The following FHIP2A variants were observed in gnomAD, a reference collection of about 807,000 sequenced individuals.
The protein encoded by FHIP2A is FHF complex subunit HOOK interacting protein 2A.
A neutral mutation model predicts 93.5 loss-of-function variants in FHIP2A; 46 were observed. That is an observed-to-expected ratio of 0.49 (90% CI 0.39 to 0.63). The LOEUF (loss-of-function observed/expected upper bound fraction) is 0.63, where lower values mean the gene tolerates loss of function less well. FHIP2A is among the 20% of genes least tolerant of loss of function. The pLI, the probability that FHIP2A is intolerant of heterozygous loss-of-function variation, is 0.00. For missense variants in FHIP2A, 769 were observed against 909.7 expected (o/e 0.85, Z 1.99); for synonymous variants, 332 against 326.5 (o/e 1.02, Z -0.18).
intron 16 of FHIP2A, among the ~76,000 whole-genome samples, chr10:114,872,072 C>T (rs1388463302): frequency 6.6e-6 from 1 of 152,174 alleles, no homozygotes. Flanking sequence ...CTCAAATAAT[C>T]CTCAGATTTC....
intron 16 of FHIP2A, among the ~76,000 whole-genome samples, chr10:114,891,535 A>ATGTGTG (rs1342933567): frequency 3.7e-4 from 47 of 126,490 alleles, no homozygotes; most frequent in African/African-American, 1.4e-3. Flanking sequence ...ATATATATAT[A>ATGTGTG]TATGTGTGTG....
chr10:114,871,318 A>C (rs1274669270), intron 16 of FHIP2A, among the ~76,000 whole-genome samples: 9 of 151,918 alleles, frequency 5.9e-5, no homozygotes, highest in Admixed American at 5.9e-4. Context: ...GAGCCTGGCT[A>C]GGCTCTGTAT....
rs1258561548 is a variant in FHIP2A, at chr10:114,833,410, C to T, written c.294+8C>T. 3 of 1,612,670 alleles carry T rather than the reference C, an allele frequency of 1.9e-6. No individual in the cohort carries two copies. Among genetic ancestry groups the T allele is most frequent in the Admixed American group, 1.7e-5 (1 of 59,946 alleles). On this transcript the variant is annotated splice_region_variant and intron_variant, in intron 3 of 16. Transcript: ENST00000369248. Reference sequence around the variant, plus strand: ...ACCTTGGGGAAAGCTGATGTAAGTTCCTGATCCACACCATGTTCTTGGGCA... The same window carrying T: ...ACCTTGGGGAAAGCTGATGTAAGTTTCTGATCCACACCATGTTCTTGGGCA...
intron 13 of FHIP2A, among the ~76,000 whole-genome samples, chr10:114,853,712 A>G (rs2083749618): frequency 6.6e-6 from 1 of 152,204 alleles, no homozygotes; most frequent in South Asian, 2.1e-4. Flanking sequence ...AAAAATTGAG[A>G]TTTGGGCCAG....
At chr10:114,893,574 C>T (rs1480393568) in intron 16 of FHIP2A, among the ~76,000 whole-genome samples, 2 of 152,172 alleles carry the variant, frequency 1.3e-5, no homozygotes, top group Non-Finnish European at 2.9e-5. Flanking sequence ...CTCTATGCTT[C>T]CCCAAAATCC....
At chr10:114,835,409 C>CAGTT (rs1566367020) in intron 3 of FHIP2A, 128 bp from the exon 4 acceptor site, 47 of 550,088 alleles carry the variant, frequency 8.5e-5, no homozygotes. Context: ...ATTAACTGGC[C>CAGTT]AGTTGCATTG....
chr10:114,880,680 A>AACACACACACAC (rs71473073), intron 16 of FHIP2A, among the ~76,000 whole-genome samples: 21,953 of 143,902 alleles, frequency 0.15, 1,794 homozygotes, highest in Middle Eastern at 0.24. Context: ...ACTCCATGTC[A>AACACACACACAC]ACACACACAC....
At chr10:114,827,630 T>C (rs1208884274) in intron 1 of FHIP2A, among the ~76,000 whole-genome samples, 1 of 152,058 alleles carries the variant, frequency 6.6e-6, no homozygotes, top group Non-Finnish European at 1.5e-5. Flanking sequence ...ACCCTGTCTC[T>C]ACTAAAAATA....
intron 14 of FHIP2A, among the ~76,000 whole-genome samples, chr10:114,859,635 G>A (rs1376454276): frequency 6.6e-6 from 1 of 152,186 alleles, no homozygotes; most frequent in Admixed American, 6.5e-5. Flanking sequence ...TCTATTGAAA[G>A]TTCTGAGCAA....
chr10:114,882,140 A>C (rs1835698074), intron 16 of FHIP2A, among the ~76,000 whole-genome samples: 2 of 152,218 alleles, frequency 1.3e-5, no homozygotes, highest in South Asian at 2.1e-4. Context: ...AGAGAAGTTC[A>C]TGGGCTTTTT....
chr10:114,821,984 TG>T lies in FHIP2A; in HGVS notation c.-93del. On this transcript the variant is annotated 5_prime_UTR_variant, in exon 1 of 17. Transcript: ENST00000369248. ...CCCCGCCCCGCACCGGCCTTCACTC[TG>T]GAGCGGCCCCGGCAGCCGCAGCAGG... The T allele has an allele frequency of 1.3e-6, 1 of 783,964 alleles. No individual in the cohort carries two copies. The highest frequency in any genetic ancestry group is 1.7e-6 in the Non-Finnish European group (1 of 576,644). 48.6% of individuals were successfully genotyped at this position (783,964 alleles called of 1,614,324 possible). A position where few individuals can be genotyped will look rare whatever the true frequency, so the allele number is the denominator to read the frequency against.
At chr10:114,822,525 A>G (rs2083538677) in intron 1 of FHIP2A, among the ~76,000 whole-genome samples, 1 of 152,184 alleles carries the variant, frequency 6.6e-6, no homozygotes, top group Non-Finnish European at 1.5e-5. Context: ...TTCTCCGGAA[A>G]AAAAGTGGTC....
chr10:114,825,009 T>A (rs2143009317), intron 1 of FHIP2A, among the ~76,000 whole-genome samples: 1 of 152,346 alleles, frequency 6.6e-6, no homozygotes, highest in Non-Finnish European at 1.5e-5. Flanking sequence ...AATGGGTTTT[T>A]AATTTTTAAT....
rs574461408 is a variant in FHIP2A, at chr10:114,862,967, C to T, written c.*1427C>T. The T allele has an allele frequency of 1.0e-4, 103 of 985,382 alleles. No individual in the cohort carries two copies. The African/African-American group carries it at 1.6e-3, about 16-fold the overall frequency. 61.0% of individuals were successfully genotyped at this position (985,382 alleles called of 1,614,324 possible). A position where few individuals can be genotyped will look rare whatever the true frequency, so the allele number is the denominator to read the frequency against. ...GCATAGAGGCTTGTTTTACACCTAT[C>T]TGCTCATTTTGTTGTGTTAGCTTTT... On this transcript the variant is annotated 3_prime_UTR_variant, in exon 17 of 17. Coordinates refer to ENST00000369248, the MANE Select transcript of FHIP2A (RefSeq NM_020940.4).
intron 14 of FHIP2A, 120 bp downstream of exon 14, chr10:114,855,460 A>T: frequency 1.1e-6 from 1 of 871,154 alleles, no homozygotes; most frequent in Non-Finnish European, 1.7e-6. Context: ...TTTCCACTGG[A>T]TGACTTTTTC....
chr10:114,867,755 C>A (rs896301470), downstream of FHIP2A, among the ~76,000 whole-genome samples: 2 of 152,090 alleles, frequency 1.3e-5, no homozygotes, highest in South Asian at 2.1e-4. Context: ...AACTCCCCCC[C>A]ATTCCTGAAA....
Position 114,835,863 on chromosome 10 carries a change from C to T in FHIP2A, c.399+222C>T, listed in dbSNP as rs1319413322. Among the ~76,000 whole-genome samples the T allele has an allele frequency of 1.3e-5, 2 of 151,966 alleles. 1 individual carries two copies. Among genetic ancestry groups the T allele is most frequent in the African/African-American group, 4.8e-5 (2 of 41,346 alleles). ...CTTTAAAATTTTATACATGAATTTT[C>T]CTTGGATTTTACTTCCATGACATCT... On this transcript the variant is annotated intron_variant, in intron 4 of 16. Transcript: ENST00000369248.
At chr10:114,823,704 A>T (rs1364083480) in intron 1 of FHIP2A, among the ~76,000 whole-genome samples, 1 of 150,178 alleles carries the variant, frequency 6.7e-6, no homozygotes, top group Non-Finnish European at 1.5e-5. Flanking sequence ...TCACCATGTT[A>T]GCCAGGCTGC....
chr10:114,891,343 G>A (rs2083973040), intron 16 of FHIP2A, among the ~76,000 whole-genome samples: 1 of 151,350 alleles, frequency 6.6e-6, no homozygotes, highest in African/African-American at 2.4e-5. Context: ...ACATAGATGG[G>A]CCATGATAAT....
Sources: allele counts gnomAD v4.1 joint callset (sites outside exome capture counted in the v4.1 genomes callset), GRCh38; gene constraint gnomAD v4.1.1; transcripts MANE v1.5; gene names NCBI Gene and HGNC (gene_info 2026-07-23, HGNC 2026-07-21).